Variants in NCKAP5 observed in about 807,000 individuals in gnomAD.
The protein encoded by NCKAP5 is NCK associated protein 5, also known as nck-associated protein 5.
Under a neutral mutation model 167.0 loss-of-function variants are expected in NCKAP5, and 92 were observed. That is an observed-to-expected ratio of 0.55 (90% confidence interval 0.47 to 0.66). The LOEUF is 0.66. NCKAP5 is among the 30% of genes least tolerant of loss of function. The probability of loss-of-function intolerance (pLI) is 0.00; values close to 1 mark genes in which losing one functional copy is unlikely to be tolerated. For synonymous variants in NCKAP5, 891 were observed against 877.4 expected, an observed-to-expected ratio of 1.02 and a Z score of -0.27; for missense variants, 2,378 against 2,315.0, an observed-to-expected ratio of 1.03 and a Z score of -0.56.
At position 133,420,948 on chromosome 2, in the gene NCKAP5, CCA is replaced by C. The variant is rs576980919; in HGVS notation, c.69+96508_69+96509del. Among the ~76,000 whole-genome samples the C allele has an allele frequency of 4.6e-5, 7 of 152,294 alleles. No individual in the cohort carries two copies. The South Asian group carries it at 1.4e-3, about 32-fold the overall frequency. ...ACAAGGAACTAATAGAGACTTGCCT[CCA>C]CTGGTTCTTATTGCCTCATGTGACT... On this transcript the variant is annotated intron_variant, in intron 3 of 19. Coordinates refer to ENST00000409261, the MANE Select transcript of NCKAP5 (RefSeq NM_207363.3).
chr2:132,712,412 G>T (rs1688938283), intron 19 of NCKAP5, among the ~76,000 whole-genome samples: 1 of 152,146 alleles, frequency 6.6e-6, no homozygotes, highest in Non-Finnish European at 1.5e-5. Context: ...AGCACTTTGG[G>T]AGGCCAAGGG....
chr2:133,533,347 A>G lies in NCKAP5; in HGVS notation c.-61-15760T>C, dbSNP rs542266445. Reference sequence around the variant, plus strand: ...CCAGATCATCTATGTAAAATCTCTCAATGTTTGAAGATTAGTTCGGTTTTT... The same window carrying G: ...CCAGATCATCTATGTAAAATCTCTCGATGTTTGAAGATTAGTTCGGTTTTT... On this transcript the variant is annotated intron_variant, in intron 2 of 19. Coordinates refer to ENST00000409261, the MANE Select transcript of NCKAP5 (RefSeq NM_207363.3). 4.6e-5 allele frequency among the ~76,000 whole-genome samples: 7 copies of G among 152,294 alleles called. No homozygotes were observed. In the South Asian group the frequency reaches 1.4e-3, roughly 32 times the overall value.
chr2:133,584,998 G>T, the NCKAP5 span, among the ~76,000 whole-genome samples: 1 of 148,820 alleles, frequency 6.7e-6, no homozygotes, highest in Admixed American at 6.8e-5. Context: ...AGGAAGGAGG[G>T]AAAGAAAGAG....
chr2:133,245,842 G>A (rs1429913450), intron 4 of NCKAP5, among the ~76,000 whole-genome samples: 1 of 147,232 alleles, frequency 6.8e-6, no homozygotes, highest in Admixed American at 6.9e-5. Context: ...AATTCCCCCT[G>A]CTCTCCAGGA....
At chr2:133,446,901 G>A (rs952485085) in intron 3 of NCKAP5, among the ~76,000 whole-genome samples, 1 of 152,072 alleles carries the variant, frequency 6.6e-6, no homozygotes, top group Non-Finnish European at 1.5e-5. Context: ...TTTAGTGGGT[G>A]GGAAAGAGGA....
At chr2:132,748,699 A>T (rs1219819496) in intron 16 of NCKAP5, among the ~76,000 whole-genome samples, 1 of 152,170 alleles carries the variant, frequency 6.6e-6, no homozygotes, top group African/African-American at 2.4e-5. Flanking sequence ...TTTATATTCT[A>T]GTTCCCTCCT....
chr2:132,976,034 C>A (rs2076967943), intron 7 of NCKAP5, among the ~76,000 whole-genome samples: 1 of 152,034 alleles, frequency 6.6e-6, no homozygotes, highest in African/African-American at 2.4e-5. Context: ...GAATTTTAAT[C>A]AAAATAAATT....
chr2:133,203,892 T>C (rs763360822), intron 5 of NCKAP5, among the ~76,000 whole-genome samples: 17 of 152,228 alleles, frequency 1.1e-4, no homozygotes, highest in Non-Finnish European at 1.8e-4. Context: ...TTCTGAAGAT[T>C]TCTTTGCAAA....
intron 4 of NCKAP5, among the ~76,000 whole-genome samples, chr2:133,266,956 C>G (rs1574547712): frequency 6.6e-6 from 1 of 152,150 alleles, no homozygotes; most frequent in Non-Finnish European, 1.5e-5. Flanking sequence ...CCTCCCCTCC[C>G]CTCCGCCGGG....
chr2:132,931,387 T>TC (rs1696363535), intron 8 of NCKAP5: 2 of 152,240 alleles, frequency 1.3e-5, no homozygotes, highest in South Asian at 2.1e-4. Flanking sequence ...CCTTTTTTTT[T>TC]CCCTTCTACC....
intron 5 of NCKAP5, among the ~76,000 whole-genome samples, chr2:133,166,385 T>C (rs183651439): frequency 3.9e-5 from 6 of 152,368 alleles, no homozygotes; most frequent in Admixed American, 2.6e-4. Flanking sequence ...CGTTGTAATA[T>C]AGTCTTCACA....
At chr2:132,703,385 T>C (rs927475474) in intron 19 of NCKAP5, among the ~76,000 whole-genome samples, 2 of 152,210 alleles carry the variant, frequency 1.3e-5, no homozygotes, top group African/African-American at 4.8e-5. Context: ...TCAGAATCAG[T>C]TCATGAGCTT....
At chr2:133,594,019 G>C in the NCKAP5 span, among the ~76,000 whole-genome samples, 3,638 of 152,316 alleles carry the variant, frequency 0.024, 168 homozygotes, top group African/African-American at 0.083. Context: ...AATACACGCT[G>C]TACTTTCTTC....
chr2:132,843,382 G>A (rs1688433790), intron 11 of NCKAP5, among the ~76,000 whole-genome samples: 1 of 151,840 alleles, frequency 6.6e-6, no homozygotes, highest in Non-Finnish European at 1.5e-5. Flanking sequence ...TTGGTTTTTG[G>A]TGTATACAAT....
chr2:132,754,275 C>T (rs1252326696), intron 16 of NCKAP5, among the ~76,000 whole-genome samples: 1 of 152,120 alleles, frequency 6.6e-6, no homozygotes, highest in Non-Finnish European at 1.5e-5. Context: ...CTTACTTGCC[C>T]TTGAATTTTT....
At chr2:132,921,800 A>G (rs999214996) in intron 8 of NCKAP5, among the ~76,000 whole-genome samples, 1 of 152,206 alleles carries the variant, frequency 6.6e-6, no homozygotes, top group African/African-American at 2.4e-5. Context: ...GCTGACTCCA[A>G]TACAGCACCT....
At chr2:133,605,502 A>G in the NCKAP5 span, among the ~76,000 whole-genome samples, 74 of 152,280 alleles carry the variant, frequency 4.9e-4, no homozygotes, top group South Asian at 4.1e-3. Flanking sequence ...GACACAGAGG[A>G]GAGAATGAGC....
Position 133,130,503 on chromosome 2 carries a change from G to C in NCKAP5, c.208-392C>G, listed in dbSNP as rs1002295086. 2.6e-5 allele frequency among the ~76,000 whole-genome samples: 4 copies of C among 152,078 alleles called. No individual in the cohort carries two copies. In the East Asian group the frequency reaches 7.7e-4, roughly 29 times the overall value. ...GAATTATTTCATCTCTTCCATCTCT[G>C]GTATATCCTTGAAAGAGAAAATTAC... On this transcript the variant is annotated intron_variant, in intron 5 of 19. Transcript: ENST00000409261.
intron 19 of NCKAP5, among the ~76,000 whole-genome samples, chr2:132,686,059 T>C (rs1685895895): frequency 6.6e-6 from 1 of 152,088 alleles, no homozygotes; most frequent in South Asian, 2.1e-4. Flanking sequence ...CTGAACCAAG[T>C]AGTACCCAAT....
Sources: allele counts gnomAD v4.1 joint callset (sites outside exome capture counted in the v4.1 genomes callset), GRCh38; gene constraint gnomAD v4.1.1; transcripts MANE v1.5; gene names NCBI Gene and HGNC (gene_info 2026-07-23, HGNC 2026-07-21).